TRMT11: variants seen among roughly 807,000 people sequenced by gnomAD.
The protein encoded by TRMT11 is tRNA (guanine(10)-N(2))-methyltransferase TRMT11.
Under a neutral mutation model 62.8 loss-of-function variants are expected in TRMT11, and 53 were observed. The observed-to-expected ratio is 0.84, with a 90% CI of 0.68 to 1.06. TRMT11 has a LOEUF of 1.06. TRMT11 is among the 50% of genes least tolerant of loss of function. TRMT11 has a pLI of 0.00. For synonymous variants in TRMT11, 188 were observed against 190.3 expected, an observed-to-expected ratio of 0.99 and a Z score of 0.10; for missense variants, 556 against 553.4, an observed-to-expected ratio of 1.00 and a Z score of -0.05.
At chr6:126,153,265 C>A (rs1394956112) in intron 21 of TRMT11, among the ~76,000 whole-genome samples, 1 of 152,046 alleles carries the variant, frequency 6.6e-6, no homozygotes, top group Non-Finnish European at 1.5e-5. Context: ...TTTAAAAGGG[C>A]TAATAACTTT....
rs1323729033 is a variant in TRMT11, at chr6:126,021,247, C to T, written c.1227C>T (p.Arg409=). 1 of 1,614,128 alleles carries T rather than the reference C, an allele frequency of 6.2e-7. No homozygotes were observed. Among genetic ancestry groups the T allele is most frequent in the Admixed American group, 1.7e-5 (1 of 60,020 alleles). ...AGCTTTCCAGTCACACATCAAGGCG[C>T]TTGATCACAATGGAAAAGGTGAAGA... ...EQKLSSHTSR[R]LITMEKVKKF... is the part of the protein sequence containing the mutation. Residue 409 remains arginine, a synonymous_variant, in exon 12 of 13, where the codon CGC becomes CGT. Transcript: ENST00000334379.
the TRMT11 span, among the ~76,000 whole-genome samples, chr6:126,209,045 C>T: frequency 6.6e-6 from 1 of 152,168 alleles, no homozygotes; most frequent in Non-Finnish European, 1.5e-5. Context: ...GTGTTTTATA[C>T]ACTAATGTTT....
At chr6:126,212,173 G>T in the TRMT11 span, among the ~76,000 whole-genome samples, 1 of 152,114 alleles carries the variant, frequency 6.6e-6, no homozygotes, top group Non-Finnish European at 1.5e-5. Flanking sequence ...TTTGTCTGCT[G>T]ATGGACACTT....
chr6:126,184,643 TG>T (rs1160892642), intron 1 of TRMT11, among the ~76,000 whole-genome samples: 2 of 152,074 alleles, frequency 1.3e-5, no homozygotes, highest in Non-Finnish European at 2.9e-5. Flanking sequence ...ATCTTTCTCT[TG>T]GTGCTTTCTC....
intron 21 of TRMT11, among the ~76,000 whole-genome samples, chr6:126,141,317 G>A (rs893564320): frequency 6.6e-6 from 1 of 152,150 alleles, no homozygotes; most frequent in African/African-American, 2.4e-5. Flanking sequence ...GTGATTGCAT[G>A]TAGCTAGTTA....
the TRMT11 span, among the ~76,000 whole-genome samples, chr6:126,224,642 A>G: frequency 1.3e-5 from 2 of 152,166 alleles, no homozygotes; most frequent in Admixed American, 1.3e-4. Context: ...GCAGAGTCGC[A>G]CCGCAGCAGG....
chr6:125,999,848 G>A (rs1662578253), intron 7 of TRMT11, among the ~76,000 whole-genome samples: 1 of 152,082 alleles, frequency 6.6e-6, no homozygotes, highest in South Asian at 2.1e-4. Context: ...CTAGGAGGGA[G>A]CATCCATCTA....
At chr6:126,154,980 C>G (rs1480042263) in intron 21 of TRMT11, among the ~76,000 whole-genome samples, 4 of 152,186 alleles carry the variant, frequency 2.6e-5, no homozygotes. Flanking sequence ...CTTCCATTTT[C>G]CATACCTCAC....
intron 1 of TRMT11, among the ~76,000 whole-genome samples, chr6:126,184,339 A>C (rs1248010467): frequency 6.6e-6 from 1 of 152,192 alleles, no homozygotes; most frequent in Non-Finnish European, 1.5e-5. Flanking sequence ...TGCTTAATAA[A>C]TATTGGTCAC....
At chr6:126,250,891 C>G in the TRMT11 span, among the ~76,000 whole-genome samples, 73 of 152,242 alleles carry the variant, frequency 4.8e-4, no homozygotes, top group Admixed American at 1.3e-3. Flanking sequence ...AACCATCTAT[C>G]TTTGCCATCC....
chr6:126,192,167 G>T (rs933089081), intron 1 of TRMT11, among the ~76,000 whole-genome samples: 1 of 151,906 alleles, frequency 6.6e-6, no homozygotes, highest in Non-Finnish European at 1.5e-5. Context: ...TCACTTATCT[G>T]GTTAAATGTA....
intron 17 of TRMT11, among the ~76,000 whole-genome samples, chr6:126,060,199 T>C (rs898158933): frequency 6.6e-6 from 1 of 152,206 alleles, no homozygotes; most frequent in African/African-American, 2.4e-5. Flanking sequence ...ATTCTTCCTT[T>C]CTTCATGCGG....
chr6:126,239,464 T>C, the TRMT11 span, among the ~76,000 whole-genome samples: 1 of 152,184 alleles, frequency 6.6e-6, no homozygotes, highest in Admixed American at 6.5e-5. Context: ...CCTTCACTTA[T>C]GAAGCTTAGT....
chr6:126,114,723 G>A (rs1777568548), exon 19 of TRMT11, among the ~76,000 whole-genome samples: 1 of 152,018 alleles, frequency 6.6e-6, no homozygotes, highest in African/African-American at 2.4e-5. Context: ...CCAATATCTA[G>A]AGATGGCAGA....
chr6:126,112,339 G>T (rs1777541356), intron 17 of TRMT11, among the ~76,000 whole-genome samples: 1 of 152,134 alleles, frequency 6.6e-6, no homozygotes, highest in South Asian at 2.1e-4. Flanking sequence ...GTAGATCTGA[G>T]AAATAATTCC....
chr6:126,212,120 A>G, the TRMT11 span, among the ~76,000 whole-genome samples: 4 of 152,156 alleles, frequency 2.6e-5, no homozygotes, highest in African/African-American at 7.2e-5. Context: ...TTATGGCTGA[A>G]TAGTACTCTA....
chr6:126,034,798 T>C (rs1182966461), intron 12 of TRMT11, among the ~76,000 whole-genome samples: 1 of 152,022 alleles, frequency 6.6e-6, no homozygotes, highest in Non-Finnish European at 1.5e-5. Flanking sequence ...CTTGAGTTAA[T>C]GGGGAGATCA....
At chr6:126,210,300 A>G in the TRMT11 span, among the ~76,000 whole-genome samples, 9 of 152,330 alleles carry the variant, frequency 5.9e-5, no homozygotes, top group Admixed American at 5.9e-4. Flanking sequence ...AGAGGGTCAC[A>G]GGGCAGGAAA....
At chr6:126,189,159 T>A (rs1174867729) in intron 1 of TRMT11, among the ~76,000 whole-genome samples, 2 of 152,142 alleles carry the variant, frequency 1.3e-5, no homozygotes, top group Non-Finnish European at 2.9e-5. Context: ...CCTGTACTGA[T>A]CTTTTATTTA....
Sources: gnomAD v4.1 joint callset for allele counts (sites outside exome capture counted in the v4.1 genomes callset) on GRCh38, gnomAD v4.1.1 for gene constraint, MANE v1.5 for transcripts, NCBI Gene and HGNC (gene_info 2026-07-23, HGNC 2026-07-21) for gene names.